ATP10B: variants seen among roughly 807,000 people sequenced by gnomAD.
ATP10B encodes the protein ATPase phospholipid transporting 10B (putative).
A neutral mutation model predicts 141.2 loss-of-function variants in ATP10B; 122 were observed. The observed-to-expected ratio is 0.86, with a 90% confidence interval of 0.75 to 1.00. The LOEUF (loss-of-function observed/expected upper bound fraction) is 1.00. ATP10B is among the 50% of genes least tolerant of loss of function. ATP10B has a pLI of 0.00. For synonymous variants in ATP10B, 685 were observed against 692.0 expected (o/e 0.99, Z 0.16); for missense variants, 1,876 against 1,825.3 (o/e 1.03, Z -0.51).
chr5:160,718,342 T>C (rs1325059030), intron 2 of ATP10B, among the ~76,000 whole-genome samples: 4 of 152,162 alleles, frequency 2.6e-5, no homozygotes, highest in African/African-American at 9.7e-5. Flanking sequence ...CAGTACAGCA[T>C]GGCAGATTTG....
intron 1 of ATP10B, among the ~76,000 whole-genome samples, chr5:160,807,723 AAT>A (rs1324883414): frequency 6.6e-6 from 1 of 152,210 alleles, no homozygotes; most frequent in African/African-American, 2.4e-5. Flanking sequence ...TTGATCATAC[AAT>A]ATATAATATT....
upstream of ATP10B, among the ~76,000 whole-genome samples, chr5:160,855,420 T>C (rs992623338): frequency 6.6e-6 from 1 of 152,012 alleles, no homozygotes; most frequent in Non-Finnish European, 1.5e-5. Flanking sequence ...CTCAGTTATA[T>C]ATTTTGTTTG....
Position 160,785,600 on chromosome 5 carries a change from C to T in ATP10B, c.-372G>A, listed in dbSNP as rs1771080539. 7 of 1,064,674 alleles carry T rather than the reference C, an allele frequency of 6.6e-6. No homozygotes were observed. In the South Asian group the frequency reaches 7.8e-5, roughly 12 times the overall value. The allele number at this position is 1,064,674 out of a possible 1,614,324, so 66.0% of individuals were successfully genotyped here. A position where few individuals can be genotyped will look rare whatever the true frequency, so the allele number is the denominator to read the frequency against. Reference sequence around the variant, plus strand: ...AAGTCTTGTTCCTCTTTCTCCTTCCCTCCTTTTTGAAGTCTCAGTGTTTAT... The same window carrying T: ...AAGTCTTGTTCCTCTTTCTCCTTCCTTCCTTTTTGAAGTCTCAGTGTTTAT... On this transcript the variant is annotated 5_prime_UTR_variant, in exon 2 of 26. Coordinates refer to ENST00000327245, the MANE Select transcript of ATP10B (RefSeq NM_025153.3).
At chr5:160,685,292 T>A (rs1334766118) in intron 6 of ATP10B, 2 of 572,918 alleles carry the variant, frequency 3.5e-6, no homozygotes, top group Admixed American at 3.3e-5. Context: ...TTGCTGAAAA[T>A]TTTTCTCTCT....
At chr5:160,629,560 A>C (rs1291514591) in intron 13 of ATP10B, among the ~76,000 whole-genome samples, 2 of 152,222 alleles carry the variant, frequency 1.3e-5, no homozygotes, top group Admixed American at 1.3e-4. Context: ...ACTGTATTTC[A>C]TGGAAACTCC....
At chr5:160,693,403 AAC>A (rs3075585) in intron 3 of ATP10B, among the ~76,000 whole-genome samples, 17,555 of 125,196 alleles carry the variant, frequency 0.14, 1,042 homozygotes, top group Middle Eastern at 0.2. Context: ...TGGGTCAGAA[AAC>A]ACACACACAC....
intron 6 of ATP10B, among the ~76,000 whole-genome samples, chr5:160,681,223 G>T (rs1045276660): frequency 2.0e-5 from 3 of 152,088 alleles, no homozygotes; most frequent in African/African-American, 7.2e-5. Flanking sequence ...ACTTACTGAG[G>T]GTCATCCTAG....
chr5:160,620,225 T>G (rs932146284), intron 15 of ATP10B, 122 bp downstream of exon 15: 2 of 1,291,972 alleles, frequency 1.5e-6, no homozygotes, highest in African/African-American at 3.0e-5. Context: ...TGTAGGTCTG[T>G]ATTCCAGTTG....
chr5:160,755,876 T>TTA (rs1209143861), intron 2 of ATP10B, among the ~76,000 whole-genome samples: 6 of 115,244 alleles, frequency 5.2e-5, no homozygotes. Flanking sequence ...TATATATATA[T>TTA]ATTATAATTT....
In ATP10B at chr5:160,704,914, C is replaced by CTTTTTTTTTTTTTTTTTTT. The variant is rs1170629163; in HGVS notation, c.-205+11976_-205+11994dup. Among the ~76,000 whole-genome samples, 199 of 83,632 alleles carry CTTTTTTTTTTTTTTTTTTT rather than the reference C, an allele frequency of 2.4e-3. 5 individuals carry two copies. Among genetic ancestry groups the CTTTTTTTTTTTTTTTTTTT allele is most frequent in the African/African-American group, 4.7e-3 (81 of 17,230 alleles). The allele number at this position is 83,632 out of a possible 152,430, so 54.9% of individuals were successfully genotyped here. ...TGCTAGCTTCCAACATTTCTTTCAT[C>CTTTTTTTTTTTTTTTTTTT]TTTTTTTTTTTTTTTTTTTTTGTTG... On this transcript the variant is annotated intron_variant, in intron 3 of 25. Transcript: ENST00000327245.
At chr5:160,686,017 G>A in intron 6 of ATP10B, 62 bp downstream of exon 6, 1 of 1,225,302 alleles carries the variant, frequency 8.2e-7, no homozygotes, top group East Asian at 2.5e-5. Context: ...TCATCCTGAG[G>A]CTATGCTGAT....
intron 22 of ATP10B, among the ~76,000 whole-genome samples, chr5:160,595,377 G>T (rs1412967047): frequency 6.6e-6 from 1 of 151,988 alleles, no homozygotes; most frequent in Non-Finnish European, 1.5e-5. Context: ...GAATCTCTGG[G>T]ACACATTTAA....
At chr5:160,818,509 G>A (rs35152202) in intron 1 of ATP10B, among the ~76,000 whole-genome samples, 2,660 of 152,338 alleles carry the variant, frequency 0.017, 63 homozygotes, top group Middle Eastern at 0.044. Context: ...ACAGGTGCTG[G>A]AAAGGATGTG....
chr5:160,807,352 AG>A (rs1419541057), intron 1 of ATP10B, among the ~76,000 whole-genome samples: 1 of 152,186 alleles, frequency 6.6e-6, no homozygotes, highest in Non-Finnish European at 1.5e-5. Flanking sequence ...CCATATGCCT[AG>A]ATTACCTATT....
rs371363643 is a variant in ATP10B, at chr5:160,843,505, G to C, written c.-576+8436C>G. On this transcript the variant is annotated intron_variant, in intron 1 of 25. Coordinates refer to ENST00000327245, the MANE Select transcript of ATP10B (RefSeq NM_025153.3). ...CGTAAGTTACTACCAACAGAGCATTGACAAAAAAAAAAAGCTGTTAATGAG... is the reference window on the plus strand; with the variant it reads ...CGTAAGTTACTACCAACAGAGCATTCACAAAAAAAAAAAGCTGTTAATGAG... Among the ~76,000 whole-genome samples the C allele has an allele frequency of 6.1e-3, 887 of 144,324 alleles. 12 individuals carry two copies. The highest frequency in any genetic ancestry group is 0.022 in the African/African-American group (844 of 38,846). 94.7% of individuals were successfully genotyped at this position (144,324 alleles called of 152,430 possible).
intron 15 of ATP10B, among the ~76,000 whole-genome samples, chr5:160,618,863 GA>G (rs905041782): frequency 3.9e-5 from 2 of 50,842 alleles, no homozygotes; most frequent in Admixed American, 2.8e-4. Flanking sequence ...GCTGGATTGA[GA>G]TTTTTTAAAG....
Position 160,806,752 on chromosome 5 carries a change from C to CAG in ATP10B, c.-575-20951_-575-20950dup, listed in dbSNP as rs371160433. On this transcript the variant is annotated intron_variant, in intron 1 of 25. Coordinates refer to ENST00000327245, the MANE Select transcript of ATP10B (RefSeq NM_025153.3). Reference sequence around the variant, plus strand: ...TTTATAGTTGAGGTAATTGAGAGGACAGAGTTTGAGTAACTTATTCAAGGT... The same window carrying CAG: ...TTTATAGTTGAGGTAATTGAGAGGACAGAGAGTTTGAGTAACTTATTCAAGGT... 4.9e-3 allele frequency among the ~76,000 whole-genome samples: 749 copies of CAG among 152,306 alleles called. 7 individuals are homozygous for CAG. Among genetic ancestry groups the CAG allele is most frequent in the African/African-American group, 0.017 (710 of 41,554 alleles).
chr5:160,829,931 G>A (rs1011701795), intron 1 of ATP10B, among the ~76,000 whole-genome samples: 12 of 151,962 alleles, frequency 7.9e-5, no homozygotes, highest in African/African-American at 1.2e-4. Flanking sequence ...TTTCCTATCC[G>A]GATGCCTTTT....
rs79713882 is a variant in ATP10B, at chr5:160,719,394, C to T, written c.-330-2360G>A. Among the ~76,000 whole-genome samples, 19 of 152,182 alleles carry T rather than the reference C, an allele frequency of 1.2e-4. 1 individual carries two copies. Among genetic ancestry groups the T allele is most frequent in the African/African-American group, 2.6e-4 (11 of 41,510 alleles). ...TGGCCTGGGCAACAGAGGGAGACTC[C>T]GTCTCAAAAAAAGTAATGGCAATAA... On this transcript the variant is annotated intron_variant, in intron 2 of 25. Transcript: ENST00000327245.
Sources: gnomAD v4.1 joint callset for allele counts (sites outside exome capture counted in the v4.1 genomes callset) on GRCh38, gnomAD v4.1.1 for gene constraint, MANE v1.5 for transcripts, NCBI Gene and HGNC (gene_info 2026-07-23, HGNC 2026-07-21) for gene names.